Variants in NADK2 observed in about 807,000 individuals in gnomAD.
The protein encoded by NADK2 is NAD kinase domain-containing protein 1, mitochondrial.
A neutral mutation model predicts 62.1 loss-of-function variants in NADK2; 35 were observed. That is an observed-to-expected ratio of 0.56 (90% CI 0.43 to 0.75). The LOEUF is 0.75. Among genes scored for constraint, NADK2 ranks in the 30% least tolerant of loss-of-function variants. NADK2 has a pLI of 0.00. For missense variants in NADK2, 439 were observed against 561.3 expected (o/e 0.78, Z 2.20); for synonymous variants, 205 against 207.9 (o/e 0.99, Z 0.12).
intron 1 of NADK2, among the ~76,000 whole-genome samples, chr5:36,228,905 G>A (rs571292721): frequency 2.0e-5 from 3 of 151,974 alleles, no homozygotes; most frequent in African/African-American, 7.2e-5. Flanking sequence ...GGTTACAGGT[G>A]TGAGCCATCA....
Position 36,217,826 on chromosome 5 carries a change from G to T in NADK2, c.703C>A (p.Pro235Thr). The change falls in exon 6 of 12, where the codon CCT becomes ACT. Residue 235 changes from proline to threonine, a missense_variant. Pro to Thr is a conservative substitution (Grantham distance 38). Coordinates refer to ENST00000381937, the MANE Select transcript of NADK2 (RefSeq NM_001085411.3). ...YLEGTGINPV[P>T]VDLHEQQLSL... ...AGCTGCTGCTCGTGAAGGTCCACAG[G>T]TACAGGGTTTATGCCAGTCCCTTCA... The T allele has an allele frequency of 1.9e-6, 3 of 1,613,888 alleles. No individual in the cohort carries two copies. Among genetic ancestry groups the T allele is most frequent in the Non-Finnish European group, 2.5e-6 (3 of 1,179,898 alleles).
rs111656460 is a variant in NADK2 at position 36,241,255 on chromosome 5, C to T, written c.300+244G>A. ...CCCGCGGCGCCCCTGCCTCCTAAGT[C>T]CCTGCATGAACCACTGTCCCTCTCT... is the stretch of plus-strand genomic sequence containing the variant. On this transcript the variant is annotated intron_variant, in intron 1 of 11. Coordinates refer to ENST00000381937, the MANE Select transcript of NADK2 (RefSeq NM_001085411.3). The surrounding 1 kb of genome is among the most constrained non-coding windows in gnomAD (Gnocchi z 4.9). 114 of 682,822 alleles carry T rather than the reference C, an allele frequency of 1.7e-4. No homozygotes were observed. The highest frequency in any genetic ancestry group is 1.8e-4 in the Admixed American group (4 of 21,724). The allele number at this position is 682,822 out of a possible 1,614,324, so 42.3% of individuals were successfully genotyped here.
At chr5:36,212,580 G>A (rs1027012932) in intron 6 of NADK2, among the ~76,000 whole-genome samples, 2 of 152,090 alleles carry the variant, frequency 1.3e-5, no homozygotes, top group African/African-American at 4.8e-5. Flanking sequence ...TCAAATTTGT[G>A]ACTGTCCCCT....
Position 36,241,258 on chromosome 5 carries a change from T to A in NADK2, c.300+241A>T. 2 of 697,096 alleles carry A rather than the reference T, an allele frequency of 2.9e-6. No homozygotes were observed. The highest frequency in any genetic ancestry group is 4.0e-6 in the Non-Finnish European group (2 of 498,508). The allele number at this position is 697,096 out of a possible 1,614,324, so 43.2% of individuals were successfully genotyped here. A position where few individuals can be genotyped will look rare whatever the true frequency, so the allele number is the denominator to read the frequency against. ...GCGGCGCCCCTGCCTCCTAAGTCCC[T>A]GCATGAACCACTGTCCCTCTCTCTC... On this transcript the variant is annotated intron_variant, in intron 1 of 11. Transcript: ENST00000381937. The surrounding 1 kb of genome is among the most constrained non-coding windows in gnomAD (Gnocchi z 4.9).
intron 1 of NADK2, among the ~76,000 whole-genome samples, chr5:36,233,255 C>T (rs1007984668): frequency 2.2e-4 from 33 of 152,268 alleles, no homozygotes; most frequent in African/African-American, 7.7e-4. Context: ...TAATTCCCAT[C>T]CCCTAACTAA....
chr5:36,228,954 A>C (rs1467502372), intron 1 of NADK2, among the ~76,000 whole-genome samples: 1 of 152,130 alleles, frequency 6.6e-6, no homozygotes, highest in Non-Finnish European at 1.5e-5. Flanking sequence ...TTTTGTTTTA[A>C]ATCATTACTT....
At chr5:36,226,332 TTAAACTTGATCGTAACAATCCAAA>T in intron 3 of NADK2, 119 bp downstream of exon 3, 1 of 584,330 alleles carries the variant, frequency 1.7e-6, no homozygotes, top group Non-Finnish European at 2.9e-6. Context: ...AACAGAAGTT[TTAAACTTGATCGTAACAATCCAAA>T]AATGTGTTTA....
At chr5:36,201,442 C>G (rs1746444026) in intron 8 of NADK2, among the ~76,000 whole-genome samples, 1 of 151,742 alleles carries the variant, frequency 6.6e-6, no homozygotes, top group African/African-American at 2.4e-5. Context: ...CTAAAATATA[C>G]CTCCATCTAT....
intron 8 of NADK2, among the ~76,000 whole-genome samples, chr5:36,206,649 T>C (rs531623407): frequency 5.3e-5 from 8 of 152,218 alleles, no homozygotes; most frequent in African/African-American, 1.9e-4. Context: ...TCTGAAGTGC[T>C]ACTAACATCC....
chr5:36,212,533 T>C (rs1746889205), intron 6 of NADK2, among the ~76,000 whole-genome samples: 1 of 152,228 alleles, frequency 6.6e-6, no homozygotes, highest in Non-Finnish European at 1.5e-5. Flanking sequence ...TACACCATCA[T>C]ATAAAATCCT....
At chr5:36,204,506 G>C (rs187009807) in intron 8 of NADK2, among the ~76,000 whole-genome samples, 15 of 152,156 alleles carry the variant, frequency 9.9e-5, no homozygotes, top group Admixed American at 2.6e-4. Context: ...AGCATAGCAT[G>C]TTCAACAGGA....
intron 4 of NADK2, among the ~76,000 whole-genome samples, chr5:36,220,509 C>T (rs1747224612): frequency 6.6e-6 from 1 of 152,106 alleles, no homozygotes; most frequent in Non-Finnish European, 1.5e-5. Flanking sequence ...AACTTGTAAG[C>T]GTGAAGGGCA....
chr5:36,217,476 A>G (rs762035572), intron 6 of NADK2, among the ~76,000 whole-genome samples: 14 of 152,124 alleles, frequency 9.2e-5, no homozygotes, highest in Non-Finnish European at 1.5e-5. Context: ...AAGGCCAAGA[A>G]TCTTTTCTCA....
intron 4 of NADK2, among the ~76,000 whole-genome samples, chr5:36,223,279 A>G (rs1039558434): frequency 1.3e-5 from 2 of 152,182 alleles, no homozygotes; most frequent in African/African-American, 2.4e-5. Context: ...CTTCCATAAA[A>G]TAATCACGCT....
At chr5:36,212,287 G>A (rs1374490173) in intron 6 of NADK2, 1 of 155,484 alleles carries the variant, frequency 6.4e-6, no homozygotes, top group Admixed American at 6.5e-5. Context: ...AACTATTTTG[G>A]ATTTAAGCAG....
In NADK2 at chr5:36,197,625, T is replaced by C. The variant is rs758499226; in HGVS notation, c.1106A>G (p.Glu369Gly). 1.9e-6 allele frequency: 3 copies of C among 1,610,248 alleles called. No individual in the cohort carries two copies. The highest frequency in any genetic ancestry group is 2.5e-6 in the Non-Finnish European group (3 of 1,178,396). Residue 369 changes from glutamate to glycine, a missense_variant, in exon 11 of 12, where the codon GAA becomes GGA. Glu to Gly is a moderately conservative substitution (Grantham distance 98). Transcript: ENST00000381937. ...EYNESLLYSPEEPKILFSIRE... is the reference protein window; with the variant it reads ...EYNESLLYSPGEPKILFSIRE... ...AATACTGAAAAGTATTTTTGGTTCT[T>C]CCGGACTGTAGAGCAGTGATTCATT... is the stretch of plus-strand genomic sequence containing the variant.
intron 3 of NADK2, 108 bp downstream of exon 3, chr5:36,226,367 A>G (rs1028672210): frequency 2.7e-6 from 2 of 747,080 alleles, no homozygotes; most frequent in African/African-American, 3.5e-5. Context: ...AATGTGTTTA[A>G]TGGTAAGACT....
intron 4 of NADK2, among the ~76,000 whole-genome samples, chr5:36,222,272 T>C (rs1579624528): frequency 1.3e-5 from 2 of 152,068 alleles, no homozygotes; most frequent in South Asian, 2.1e-4. Context: ...TAGGGGGACA[T>C]AGGCCTTCTG....
chr5:36,239,410 CTG>C (rs980399644), intron 1 of NADK2, among the ~76,000 whole-genome samples: 3 of 152,110 alleles, frequency 2.0e-5, no homozygotes, highest in Admixed American at 2.0e-4. Context: ...TCCAATAAAA[CTG>C]TAATGACAAC....
Sources: gnomAD v4.1 joint callset for allele counts (sites outside exome capture counted in the v4.1 genomes callset) on GRCh38, gnomAD v4.1.1 for gene constraint, Gnocchi (gnomAD v3.1) non-coding constraint, MANE v1.5 for transcripts, NCBI Gene and HGNC (gene_info 2026-07-23, HGNC 2026-07-21) for gene names.